The following PIP5K1B variants were observed in gnomAD, a reference collection of about 807,000 sequenced individuals.
The protein encoded by PIP5K1B is phosphatidylinositol-4-phosphate 5-kinase type 1 beta, also known as phosphatidylinositol 4-phosphate 5-kinase type-1 beta.
Under a neutral mutation model 67.0 loss-of-function variants are expected in PIP5K1B, and 42 were observed. The observed-to-expected ratio is 0.63, with a 90% confidence interval of 0.49 to 0.81. PIP5K1B has a LOEUF of 0.81. PIP5K1B is among the 30% of genes least tolerant of loss of function. The probability of loss-of-function intolerance (pLI) is 0.00; values close to 1 mark genes in which losing one functional copy is unlikely to be tolerated. For missense variants in PIP5K1B, 459 were observed against 646.3 expected, an observed-to-expected ratio of 0.71 and a Z score of 3.14; for synonymous variants, 214 against 231.4, an observed-to-expected ratio of 0.92 and a Z score of 0.68.
At chr9:69,007,663 C>G (rs953937601) in intron 15 of PIP5K1B, among the ~76,000 whole-genome samples, 12 of 152,172 alleles carry the variant, frequency 7.9e-5, no homozygotes, top group African/African-American at 2.9e-4. Context: ...CAAGACCATC[C>G]TGGCTAACAC....
At chr9:68,745,449 C>G (rs1471164517) in intron 2 of PIP5K1B, among the ~76,000 whole-genome samples, 3 of 152,226 alleles carry the variant, frequency 2.0e-5, no homozygotes, top group Admixed American at 2.0e-4. Flanking sequence ...AACCTGGTAT[C>G]TCATCCATCT....
chr9:68,911,808 A>T (rs1019102234), intron 8 of PIP5K1B, among the ~76,000 whole-genome samples: 2 of 152,164 alleles, frequency 1.3e-5, no homozygotes, highest in East Asian at 1.9e-4. Flanking sequence ...ACTTGAGCCC[A>T]AAAGGTCAAG....
intron 4 of PIP5K1B, among the ~76,000 whole-genome samples, chr9:68,845,201 G>A (rs1822126031): frequency 6.6e-6 from 1 of 152,202 alleles, no homozygotes; most frequent in Admixed American, 6.5e-5. Context: ...GGCAGAAGGA[G>A]CCTGAAACTG....
chr9:68,810,029 T>C (rs1182030498), intron 2 of PIP5K1B, among the ~76,000 whole-genome samples: 1 of 152,222 alleles, frequency 6.6e-6, no homozygotes, highest in African/African-American at 2.4e-5. Flanking sequence ...TAAAAATGAA[T>C]TCAAAAGAGC....
chr9:68,958,560 TC>T (rs1452924681), intron 14 of PIP5K1B, among the ~76,000 whole-genome samples: 5 of 152,214 alleles, frequency 3.3e-5, no homozygotes, highest in African/African-American at 1.2e-4. Flanking sequence ...TATTGAGACA[TC>T]CAAGCAGCAT....
At chr9:68,961,255 A>C (rs995535153) in intron 14 of PIP5K1B, among the ~76,000 whole-genome samples, 3 of 151,582 alleles carry the variant, frequency 2.0e-5, no homozygotes, top group African/African-American at 7.3e-5. Flanking sequence ...CAAATCTATC[A>C]AGACAGAAAG....
At chr9:68,853,096 G>A (rs1007223434) in intron 4 of PIP5K1B, among the ~76,000 whole-genome samples, 1 of 152,164 alleles carries the variant, frequency 6.6e-6, no homozygotes, top group African/African-American at 2.4e-5. Flanking sequence ...AACAGAAAGA[G>A]AGCCTTGGAA....
At chr9:69,005,537 C>G (rs1246013034) in intron 15 of PIP5K1B, among the ~76,000 whole-genome samples, 2 of 152,130 alleles carry the variant, frequency 1.3e-5, no homozygotes, top group African/African-American at 2.4e-5. Context: ...CCACCACACG[C>G]GGCTAATTTT....
At chr9:68,925,796 T>TTTTTTTTTTTTTTTTTTTTTTTTTTTTTC (rs1826666118) in intron 12 of PIP5K1B, among the ~76,000 whole-genome samples, 1 of 43,326 alleles carries the variant, frequency 2.3e-5, no homozygotes. Context: ...GTGGTTCCAA[T>TTTTTTTTTTTTTTTTTTTTTTTTTTTTTC]TTTTTTTTTT....
At chr9:68,747,065 G>A (rs1334198170) in intron 2 of PIP5K1B, among the ~76,000 whole-genome samples, 2 of 151,708 alleles carry the variant, frequency 1.3e-5, no homozygotes, top group African/African-American at 2.4e-5. Context: ...CTTGGCGATC[G>A]CCTTCCCTCT....
At chr9:68,901,421 G>T (rs1045345997) in intron 8 of PIP5K1B, among the ~76,000 whole-genome samples, 1 of 152,118 alleles carries the variant, frequency 6.6e-6, no homozygotes, top group Non-Finnish European at 1.5e-5. Context: ...ACCACACCCC[G>T]CTAGTTTTTA....
intron 14 of PIP5K1B, among the ~76,000 whole-genome samples, chr9:68,942,339 A>G (rs1827602680): frequency 6.6e-6 from 1 of 152,196 alleles, no homozygotes; most frequent in Admixed American, 6.5e-5. Context: ...AGCCATGGTG[A>G]TTTCTTACCG....
chr9:69,004,323 GTGTGTGTGTGTTTT>G (rs1830962096), intron 15 of PIP5K1B, among the ~76,000 whole-genome samples: 1 of 111,394 alleles, frequency 9.0e-6, no homozygotes, highest in Non-Finnish European at 1.9e-5. Context: ...TTGTGGGCGT[GTGTGTGTGTGTTTT>G]TGTGTGTGTG....
intron 14 of PIP5K1B, among the ~76,000 whole-genome samples, chr9:68,964,657 G>T (rs374481136): frequency 6.6e-6 from 1 of 152,224 alleles, no homozygotes; most frequent in South Asian, 2.1e-4. Context: ...TTCTATATAA[G>T]GAAGAGTTTA....
rs748240564 is a variant in PIP5K1B at position 68,863,985 on chromosome 9, T to A, written c.200+18T>A. 3.9e-5 allele frequency: 63 copies of A among 1,612,184 alleles called. No homozygotes were observed. The South Asian group carries it at 6.2e-4, about 16-fold the overall frequency. On this transcript the variant is annotated intron_variant, in intron 5 of 15. Transcript: ENST00000265382. The stretch of plus-strand genomic sequence containing the variant: ...CTACCCAGGTAAGAACATTTTTATT[T>A]GTGATGATTTCCATGCTAAGGAACC...
At chr9:68,849,086 AT>A (rs546634827) in intron 4 of PIP5K1B, among the ~76,000 whole-genome samples, 1 of 152,206 alleles carries the variant, frequency 6.6e-6, no homozygotes, top group Non-Finnish European at 1.5e-5. Flanking sequence ...ATAAATGTGC[AT>A]TTTTTTAACT....
intron 15 of PIP5K1B, among the ~76,000 whole-genome samples, chr9:69,000,461 C>A (rs1380653244): frequency 6.6e-6 from 1 of 152,108 alleles, no homozygotes; most frequent in Non-Finnish European, 1.5e-5. Context: ...GTGTCTTGAA[C>A]AGAAATTTCT....
rs186040697 is a variant in PIP5K1B, at chr9:68,987,125, G to C, written c.1503-4015G>C. On this transcript the variant is annotated intron_variant, in intron 14 of 15. Coordinates refer to ENST00000265382, the MANE Select transcript of PIP5K1B (RefSeq NM_003558.4). ...AAATTAGCTGGGTGGGGTGGCATAC[G>C]CCTGTAATCTCATTTACTCAGGAGG... is the stretch of plus-strand genomic sequence containing the variant. Among the ~76,000 whole-genome samples the C allele has an allele frequency of 4.3e-3, 652 of 152,070 alleles. 2 individuals carry two copies. The highest frequency in any genetic ancestry group is 0.015 in the African/African-American group (626 of 41,470).
intron 2 of PIP5K1B, among the ~76,000 whole-genome samples, chr9:68,773,093 G>A (rs983761220): frequency 6.6e-6 from 1 of 152,200 alleles, no homozygotes; most frequent in Non-Finnish European, 1.5e-5. Flanking sequence ...GCTATGTCTT[G>A]CTGTGCACTA....
Sources: allele counts gnomAD v4.1 joint callset (sites outside exome capture counted in the v4.1 genomes callset), GRCh38; gene constraint gnomAD v4.1.1; transcripts MANE v1.5; gene names NCBI Gene and HGNC (gene_info 2026-07-23, HGNC 2026-07-21).